GRIN2B: variants seen among roughly 807,000 people sequenced by gnomAD.
GRIN2B encodes the protein glutamate receptor ionotropic, NMDA 2B.
A neutral mutation model predicts 114.5 loss-of-function variants in GRIN2B; 5 were observed. That is an observed-to-expected ratio of 0.04 (90% CI 0.02 to 0.09). The LOEUF (loss-of-function observed/expected upper bound fraction) is 0.09. Ranked by LOEUF, GRIN2B falls within the 10% of genes least tolerant of loss-of-function variation. The pLI, the probability that GRIN2B is intolerant of heterozygous loss-of-function variation, is 1.00. For synonymous variants in GRIN2B, 787 were observed against 745.1 expected (o/e 1.06, Z -0.92); for missense variants, 1,108 against 1,943.5 (o/e 0.57, Z 8.08).
chr12:13,724,988 C>T (rs1366780490), intron 4 of GRIN2B, among the ~76,000 whole-genome samples: 1 of 152,164 alleles, frequency 6.6e-6, no homozygotes, highest in African/African-American at 2.4e-5. Flanking sequence ...CTTCCCCCTT[C>T]ATCTGAAACA....
intron 2 of GRIN2B, among the ~76,000 whole-genome samples, chr12:13,968,157 C>T (rs1410383083): frequency 1.3e-5 from 2 of 152,212 alleles, no homozygotes; most frequent in Admixed American, 6.5e-5. Flanking sequence ...CAGAATGCTG[C>T]GTACCTTGCC....
chr12:13,672,234 G>C (rs1179743546), intron 5 of GRIN2B, among the ~76,000 whole-genome samples: 2 of 152,106 alleles, frequency 1.3e-5, no homozygotes, highest in South Asian at 4.1e-4. Flanking sequence ...GATGAGAAAA[G>C]AAAAATGTAG....
At chr12:13,587,498 G>A (rs1948945361) in intron 10 of GRIN2B, among the ~76,000 whole-genome samples, 1 of 151,936 alleles carries the variant, frequency 6.6e-6, no homozygotes, top group Admixed American at 6.6e-5. Context: ...GGGACTACAG[G>A]TGCTTTCCAC....
chr12:13,916,737 T>TTGTGTGTGTGTGTGTGTG lies in GRIN2B; in HGVS notation c.-18-50529_-18-50512dup, dbSNP rs57501769. On this transcript the variant is annotated intron_variant, in intron 2 of 13. Transcript: ENST00000609686. ...TACACACACACACACACACACACAT[T>TTGTGTGTGTGTGTGTGTG]TGTGTGTGTGTGTGTGTGTGTGTAT... 1.3e-3 allele frequency among the ~76,000 whole-genome samples: 179 copies of TTGTGTGTGTGTGTGTGTG among 139,940 alleles called. 4 individuals carry two copies. The highest frequency in any genetic ancestry group is 5.4e-3 in the East Asian group (24 of 4,452). The allele number at this position is 139,940 out of a possible 152,430, so 91.8% of individuals were successfully genotyped here.
chr12:13,794,367 T>G (rs1248622116), intron 3 of GRIN2B, among the ~76,000 whole-genome samples: 1 of 152,190 alleles, frequency 6.6e-6, no homozygotes, highest in African/African-American at 2.4e-5. Flanking sequence ...ATGCCAGTAT[T>G]CTCCAGCAGC....
chr12:13,778,093 G>C lies in GRIN2B; in HGVS notation c.412-24178C>G, dbSNP rs868026980. Among the ~76,000 whole-genome samples, 8 of 152,348 alleles carry C rather than the reference G, an allele frequency of 5.3e-5. No homozygotes were observed. The Middle Eastern group carries it at 0.01, about 194-fold the overall frequency. On this transcript the variant is annotated intron_variant, in intron 3 of 13. Transcript: ENST00000609686. The stretch of plus-strand genomic sequence containing the variant: ...CCAGGGAAAGACCGTGTTGTTGATA[G>C]AGTGGACTTTCCCTATCTCCATGGT...
intron 4 of GRIN2B, among the ~76,000 whole-genome samples, chr12:13,692,241 A>C (rs927999128): frequency 2.6e-5 from 4 of 152,146 alleles, no homozygotes; most frequent in Non-Finnish European, 5.9e-5. Flanking sequence ...GGTAAAATGG[A>C]AACTATGAAG....
Position 13,611,592 on chromosome 12 carries a change from G to A in GRIN2B, c.1780+133C>T, listed in dbSNP as rs11055542. On this transcript the variant is annotated intron_variant, in intron 9 of 13. Transcript: ENST00000609686. ...AAAGAGACGCCAAGCTGGTGACTTA[G>A]AAATGTTCACCTGAGGGTTCCTTTT... 1,516 of 915,168 alleles carry A rather than the reference G, an allele frequency of 1.7e-3. 11 individuals are homozygous for A. In the African/African-American group the frequency reaches 0.021, roughly 13 times the overall value. 56.7% of individuals were successfully genotyped at this position (915,168 alleles called of 1,614,324 possible). A position where few individuals can be genotyped will look rare whatever the true frequency, so the allele number is the denominator to read the frequency against.
intron 3 of GRIN2B, among the ~76,000 whole-genome samples, chr12:13,840,133 T>G (rs185677676): frequency 2.0e-5 from 3 of 152,222 alleles, no homozygotes; most frequent in African/African-American, 7.2e-5. Context: ...GCCACTACAG[T>G]GCGTAACGTA....
intron 10 of GRIN2B, among the ~76,000 whole-genome samples, chr12:13,576,707 C>G (rs1948782250): frequency 6.6e-6 from 1 of 152,082 alleles, no homozygotes; most frequent in Non-Finnish European, 1.5e-5. Context: ...TGTGAGCAAC[C>G]ACACCTGGCT....
chr12:13,632,537 T>A (rs1949624850), intron 5 of GRIN2B, among the ~76,000 whole-genome samples: 1 of 152,226 alleles, frequency 6.6e-6, no homozygotes, highest in Non-Finnish European at 1.5e-5. Flanking sequence ...CTGCTCCTAT[T>A]TTGTTGTCTA....
At chr12:13,959,769 C>CTTTTTTTT (rs3082919) in intron 2 of GRIN2B, among the ~76,000 whole-genome samples, 1 of 132,464 alleles carries the variant, frequency 7.5e-6, no homozygotes. Flanking sequence ...TTTTCTTTTT[C>CTTTTTTTT]TTTTTTTTTT....
At chr12:13,794,410 C>T (rs1321791164) in intron 3 of GRIN2B, among the ~76,000 whole-genome samples, 1 of 152,130 alleles carries the variant, frequency 6.6e-6, no homozygotes, top group African/African-American at 2.4e-5. Context: ...AAAGGCACTG[C>T]TCTACTAAAT....
At chr12:13,677,417 C>G (rs1334078779) in intron 4 of GRIN2B, among the ~76,000 whole-genome samples, 1 of 152,120 alleles carries the variant, frequency 6.6e-6, no homozygotes, top group Non-Finnish European at 1.5e-5. Context: ...ATGAATCAAA[C>G]CCTCATGGAT....
At chr12:13,852,741 T>C (rs1865591920) in intron 3 of GRIN2B, among the ~76,000 whole-genome samples, 1 of 140,372 alleles carries the variant, frequency 7.1e-6, no homozygotes, top group African/African-American at 2.7e-5. Context: ...TGGCAAGAGG[T>C]CACCGGGCTC....
intron 5 of GRIN2B, among the ~76,000 whole-genome samples, chr12:13,646,054 A>G (rs1043568710): frequency 1.3e-5 from 2 of 152,144 alleles, no homozygotes; most frequent in African/African-American, 4.8e-5. Context: ...TTAACTCCCC[A>G]GACAGTGTTC....
intron 3 of GRIN2B, among the ~76,000 whole-genome samples, chr12:13,846,993 G>A (rs538010665): frequency 1.1e-4 from 16 of 152,180 alleles, no homozygotes; most frequent in African/African-American, 2.2e-4. Context: ...CACGTGTCGC[G>A]GTTGCTATTA....
At chr12:13,624,401 T>G (rs1350497694) in intron 5 of GRIN2B, among the ~76,000 whole-genome samples, 1 of 152,212 alleles carries the variant, frequency 6.6e-6, no homozygotes, top group African/African-American at 2.4e-5. Flanking sequence ...CTCTTCAGCC[T>G]TCCTGATTAT....
At chr12:13,903,770 A>G (rs1205103545) in intron 2 of GRIN2B, among the ~76,000 whole-genome samples, 1 of 152,040 alleles carries the variant, frequency 6.6e-6, no homozygotes, top group Admixed American at 6.6e-5. Context: ...CTATATCCAT[A>G]TCAGTAACTG....
Sources: allele counts gnomAD v4.1 joint callset (sites outside exome capture counted in the v4.1 genomes callset), GRCh38; gene constraint gnomAD v4.1.1; transcripts MANE v1.5; gene names NCBI Gene and HGNC (gene_info 2026-07-23, HGNC 2026-07-21).